Variants in WIPF3 observed in about 807,000 individuals in gnomAD.
WIPF3 encodes the protein WAS/WASL interacting protein family member 3, also known as WAS/WASL-interacting protein family member 3.
WIPF3 carries 33 observed loss-of-function variants against 38.9 expected under a neutral mutation model. The ratio of observed to expected loss-of-function variants is 0.85; its 90% CI spans 0.64 to 1.14. The LOEUF is 1.14. WIPF3 is among the 50% of genes most tolerant of loss of function. The pLI is 0.00. For missense variants in WIPF3, 711 were observed against 652.5 expected, an observed-to-expected ratio of 1.09 and a Z score of -0.98; for synonymous variants, 324 against 269.3, an observed-to-expected ratio of 1.20 and a Z score of -1.99.
chr7:29,835,777 G>T (rs145406778), intron 2 of WIPF3, among the ~76,000 whole-genome samples: 1 of 152,178 alleles, frequency 6.6e-6, no homozygotes, highest in African/African-American at 2.4e-5. Flanking sequence ...ACGAGATGAC[G>T]GTATGGCACA....
chr7:29,828,851 G>C (rs1382308751), intron 1 of WIPF3, among the ~76,000 whole-genome samples: 5 of 152,208 alleles, frequency 3.3e-5, no homozygotes, highest in Non-Finnish European at 7.3e-5. Context: ...TCCAGCATAG[G>C]GTAAGTGTTC....
At chr7:29,808,762 C>G in intron 1 of WIPF3, among the ~76,000 whole-genome samples, 1 of 151,984 alleles carries the variant, frequency 6.6e-6, no homozygotes, top group East Asian at 1.9e-4. Flanking sequence ...GGAAAGCCAG[C>G]TGGTCTAGCC....
chr7:29,902,403 TAC>T (rs1281942898), intron 7 of WIPF3, among the ~76,000 whole-genome samples: 4 of 152,052 alleles, frequency 2.6e-5, no homozygotes, highest in Non-Finnish European at 4.4e-5. Context: ...TAATGAAAAT[TAC>T]AGTGTCCATT....
Position 29,914,509 on chromosome 7 carries a change from T to C in WIPF3, c.1445T>C (p.Leu482Pro). 6.6e-7 allele frequency: 1 copy of C among 1,521,236 alleles called. No homozygotes were observed. Among genetic ancestry groups the C allele is most frequent in the Non-Finnish European group, 8.8e-7 (1 of 1,132,490 alleles). The allele number at this position is 1,521,236 out of a possible 1,614,324, so 94.2% of individuals were successfully genotyped here. ...TTTCCACAGTTATCTCTAAAGACTC[T>C]TCGGTGAGAAGACAGATGAAGCGAA... ...GRNSQLSLKT[L>P]R The change falls in exon 9 of 9, where the codon CTT becomes CCT. Residue 482 changes from leucine to proline, a missense_variant. Physicochemically the swap from Leu to Pro is moderately conservative, Grantham distance 98 (BLOSUM62 -3). Coordinates refer to ENST00000242140, the MANE Select transcript of WIPF3 (RefSeq NM_001080529.3).
chr7:29,828,921 G>A (rs751969612), intron 1 of WIPF3, among the ~76,000 whole-genome samples: 69 of 152,328 alleles, frequency 4.5e-4, no homozygotes, highest in Non-Finnish European at 7.9e-4. Context: ...GAAGATGCTT[G>A]CAGGGTAGCT....
At chr7:29,831,199 C>T (rs1365693861) in intron 1 of WIPF3, among the ~76,000 whole-genome samples, 1 of 152,152 alleles carries the variant, frequency 6.6e-6, no homozygotes, top group Non-Finnish European at 1.5e-5. Flanking sequence ...TGAAGCGCTG[C>T]CTAGTATTCT....
intron 8 of WIPF3, chr7:29,906,056 A>G (rs1182039066): frequency 3.3e-5 from 5 of 152,184 alleles, no homozygotes; most frequent in African/African-American, 1.2e-4. Flanking sequence ...AAAACCAGCA[A>G]ACCCTGGGGG....
intron 1 of WIPF3, among the ~76,000 whole-genome samples, chr7:29,833,495 A>G (rs1331868027): frequency 6.6e-6 from 1 of 152,254 alleles, no homozygotes; most frequent in Non-Finnish European, 1.5e-5. Context: ...TCTTGTAGAA[A>G]TAAGTGTGAT....
rs1784375589 is a variant in WIPF3, at chr7:29,811,388, TAATG to T, written c.-58+4713_-58+4716del. Among the ~76,000 whole-genome samples, 3 of 152,034 alleles carry T rather than the reference TAATG, an allele frequency of 2.0e-5. No homozygotes were observed. The South Asian group carries it at 6.2e-4, about 32-fold the overall frequency. ...TAGCAAACAACATAAAATTAATAGA[TAATG>T]AAACTGAGGTAAAGGGAACACACGG... On this transcript the variant is annotated intron_variant, in intron 1 of 8. Coordinates refer to ENST00000242140, the MANE Select transcript of WIPF3 (RefSeq NM_001080529.3).
chr7:29,856,083 T>C (rs897742943), intron 2 of WIPF3, among the ~76,000 whole-genome samples: 2 of 152,204 alleles, frequency 1.3e-5, no homozygotes, highest in African/African-American at 4.8e-5. Flanking sequence ...ATAGCTATCT[T>C]CCTCACAGAC....
chr7:29,866,316 A>T (rs886526341), intron 2 of WIPF3, among the ~76,000 whole-genome samples: 10 of 152,170 alleles, frequency 6.6e-5, no homozygotes, highest in African/African-American at 2.4e-4. Flanking sequence ...CATAACCACT[A>T]TTATTTTAGA....
chr7:29,897,830 T>C lies in WIPF3; in HGVS notation c.1352-6456T>C, dbSNP rs1459890203. 2.0e-5 allele frequency among the ~76,000 whole-genome samples: 3 copies of C among 152,242 alleles called. No individual in the cohort carries two copies. In the East Asian group the frequency reaches 5.8e-4, roughly 29 times the overall value. ...TTCCTTGGTGAAGCCTGGTTTTTAC[T>C]GCTGACCATACCTCTTCAAAAGCTG... is the stretch of plus-strand genomic sequence containing the variant. On this transcript the variant is annotated intron_variant, in intron 7 of 8. Transcript: ENST00000242140.
intron 1 of WIPF3, among the ~76,000 whole-genome samples, chr7:29,811,216 A>C (rs907091865): frequency 6.6e-6 from 1 of 151,918 alleles, no homozygotes; most frequent in African/African-American, 2.4e-5. Context: ...TACTTAGGAC[A>C]GTGCCTCATT....
At chr7:29,847,684 CAA>C (rs1220298367) in intron 2 of WIPF3, among the ~76,000 whole-genome samples, 2 of 152,202 alleles carry the variant, frequency 1.3e-5, no homozygotes, top group Admixed American at 6.5e-5. Flanking sequence ...GGGTGTGGGA[CAA>C]GACCCTCTCT....
intron 2 of WIPF3, among the ~76,000 whole-genome samples, chr7:29,860,595 A>C (rs923367751): frequency 2.6e-5 from 4 of 152,144 alleles, no homozygotes; most frequent in African/African-American, 9.7e-5. Flanking sequence ...TTTCTTCATA[A>C]ATTACCCAGG....
intron 1 of WIPF3, among the ~76,000 whole-genome samples, chr7:29,820,608 G>A (rs1211974382): frequency 1.3e-5 from 2 of 151,854 alleles, no homozygotes; most frequent in Non-Finnish European, 2.9e-5. Context: ...AATTTAGAGA[G>A]TATCCACTGA....
At chr7:29,836,600 C>A (rs557826916) in intron 2 of WIPF3, among the ~76,000 whole-genome samples, 1 of 152,064 alleles carries the variant, frequency 6.6e-6, no homozygotes, top group Non-Finnish European at 1.5e-5. Flanking sequence ...TTTATTCTAG[C>A]GAAAAAATAG....
intron 7 of WIPF3, among the ~76,000 whole-genome samples, chr7:29,899,684 G>A (rs964833268): frequency 1.3e-5 from 2 of 152,358 alleles, no homozygotes; most frequent in African/African-American, 2.4e-5. Context: ...GGAACGCTAT[G>A]TAACCATTAC....
Position 29,894,358 on chromosome 7 carries a change from A to C in WIPF3, c.1351+4951A>C, listed in dbSNP as rs1786088710. Among the ~76,000 whole-genome samples the C allele has an allele frequency of 4.6e-5, 7 of 152,302 alleles. No individual in the cohort carries two copies. The South Asian group carries it at 1.5e-3, about 32-fold the overall frequency. Reference sequence around the variant, plus strand: ...AAATAATCTCCTGATGTTTACAAAGAGCAGTTTTTTAAACAGCCTATTAAA... The same window carrying C: ...AAATAATCTCCTGATGTTTACAAAGCGCAGTTTTTTAAACAGCCTATTAAA... On this transcript the variant is annotated intron_variant, in intron 7 of 8. Coordinates refer to ENST00000242140, the MANE Select transcript of WIPF3 (RefSeq NM_001080529.3).
Sources: gnomAD v4.1 joint callset for allele counts (sites outside exome capture counted in the v4.1 genomes callset) on GRCh38, gnomAD v4.1.1 for gene constraint, MANE v1.5 for transcripts, NCBI Gene and HGNC (gene_info 2026-07-23, HGNC 2026-07-21) for gene names.